MED1: variants seen among roughly 807,000 people sequenced by gnomAD.
MED1 encodes mediator of RNA polymerase II transcription subunit 1.
A neutral mutation model predicts 121.3 loss-of-function variants in MED1; 17 were observed. The observed-to-expected ratio is 0.14, with a 90% confidence interval of 0.10 to 0.21. The LOEUF is 0.21. MED1 is among the 10% of genes least tolerant of loss of function. The pLI, the probability that MED1 is intolerant of heterozygous loss-of-function variation, is 1.00. For missense variants in MED1, 1,558 were observed against 1,919.4 expected, an observed-to-expected ratio of 0.81 and a Z score of 3.52; for synonymous variants, 661 against 694.4, an observed-to-expected ratio of 0.95 and a Z score of 0.76.
intron 5 of MED1, among the ~76,000 whole-genome samples, chr17:39,439,624 T>C (rs2048652434): frequency 6.6e-6 from 1 of 152,148 alleles, no homozygotes; most frequent in African/African-American, 2.4e-5. Context: ...CAATCGTGGC[T>C]CATGTTTGTT....
chr17:39,407,741 T>G lies in MED1; in HGVS notation c.4480A>C (p.Thr1494Pro). The change falls in exon 17 of 17, where the codon ACA (threonine) becomes CCA (proline). Residue 1494 changes from threonine to proline, a missense_variant. Coordinates refer to ENST00000300651, the MANE Select transcript of MED1 (RefSeq NM_004774.4). ...DGIRPLPEYS[T>P]EKHKKHKKEK... ...TTTTTGTGCTTCTTATGTTTCTCTG[T>G]GCTGTATTCTGGAAGTGGTCGGATA... 1 of 1,614,186 alleles carries G rather than the reference T, an allele frequency of 6.2e-7. No homozygotes were observed. Among genetic ancestry groups the G allele is most frequent in the Non-Finnish European group, 8.5e-7 (1 of 1,180,028 alleles).
In MED1 at chr17:39,410,138, A is replaced by G; in HGVS notation, c.2083T>C (p.Leu695=). 1.2e-6 allele frequency: 2 copies of G among 1,614,122 alleles called. No individual in the cohort carries two copies. Among genetic ancestry groups the G allele is most frequent in the East Asian group, 2.2e-5 (1 of 44,876 alleles). The change falls in exon 17 of 17, where the codon TTA becomes CTA. Residue 695 remains leucine (L), a synonymous_variant. Transcript: ENST00000300651. ...TGGTGCTTTGGTTTCTCAGGTGGTA[A>G]TCTTGATGACTTCTTTTTCTTGGTC... ...NKTKKKKSSR[L]PPEKPKHQTE... is the part of the protein sequence containing the mutation.
Position 39,443,678 on chromosome 17 carries a change from T to C in MED1, c.133-50A>G, listed in dbSNP as rs760757561. 17 of 1,447,996 alleles carry C rather than the reference T, an allele frequency of 1.2e-5. No homozygotes were observed. The South Asian group carries it at 1.5e-4, about 13-fold the overall frequency. The allele number at this position is 1,447,996 out of a possible 1,614,324, so 89.7% of individuals were successfully genotyped here. ...AGGTGAAAATTAACCAGGCCAACAG[T>C]GTTTTAGGTAAACATACACATTATC... On this transcript the variant is annotated intron_variant, in intron 2 of 16. Coordinates refer to ENST00000300651, the MANE Select transcript of MED1 (RefSeq NM_004774.4).
At chr17:39,413,710 G>A (rs996793478) in intron 16 of MED1, among the ~76,000 whole-genome samples, 1 of 151,028 alleles carries the variant, frequency 6.6e-6, no homozygotes, top group Non-Finnish European at 1.5e-5. Context: ...CTCCAGCCTG[G>A]GTAACAGAGT....
In MED1 at chr17:39,416,069, T is replaced by C. The variant is rs540936917; in HGVS notation, c.1298-730A>G. On this transcript the variant is annotated intron_variant, in intron 14 of 16. Transcript: ENST00000300651. ...AAATTCTCTCTCCCTCCTTGGAAAC[T>C]AAATCGCACACTTTTTTCACATACA... Among the ~76,000 whole-genome samples the C allele has an allele frequency of 1.1e-3, 170 of 151,512 alleles. 1 individual carries two copies. The highest frequency in any genetic ancestry group is 4.0e-3 in the African/African-American group (166 of 41,328).
At chr17:39,411,313 G>A (rs1299211456) in intron 16 of MED1, among the ~76,000 whole-genome samples, 2 of 150,496 alleles carry the variant, frequency 1.3e-5, no homozygotes, top group South Asian at 4.2e-4. Context: ...GTGAGACTCC[G>A]TCTCAAAAAA....
chr17:39,405,935 T>C lies in MED1; in HGVS notation c.*1540A>G, dbSNP rs2048299612. 1.0e-6 allele frequency: 1 copy of C among 984,624 alleles called. No individual in the cohort carries two copies. The highest frequency in any genetic ancestry group is 6.2e-5 in the Admixed American group (1 of 16,228). The allele number at this position is 984,624 out of a possible 1,614,324, so 61.0% of individuals were successfully genotyped here. A position where few individuals can be genotyped will look rare whatever the true frequency, so the allele number is the denominator to read the frequency against. On this transcript the variant is annotated 3_prime_UTR_variant, in exon 17 of 17. Coordinates refer to ENST00000300651, the MANE Select transcript of MED1 (RefSeq NM_004774.4). Reference sequence around the variant, plus strand: ...GCTTTTTTTTTTTAACCCAGAAGAGTTGTGCTGGGGACCATGCCCCATCCC... The same window carrying C: ...GCTTTTTTTTTTTAACCCAGAAGAGCTGTGCTGGGGACCATGCCCCATCCC...
Position 39,407,098 on chromosome 17 carries a change from A to T in MED1, c.*377T>A, listed in dbSNP as rs1283874555. 1.0e-6 allele frequency: 1 copy of T among 997,972 alleles called. No individual in the cohort carries two copies. The highest frequency in any genetic ancestry group is 1.7e-5 in the African/African-American group (1 of 57,574). The allele number at this position is 997,972 out of a possible 1,614,324, so 61.8% of individuals were successfully genotyped here. A position where few individuals can be genotyped will look rare whatever the true frequency, so the allele number is the denominator to read the frequency against. ...GCCCAGCCCTTCATATACATGCACT[A>T]AAATGAGTTTAAAACATGGCCTAAA... On this transcript the variant is annotated 3_prime_UTR_variant, in exon 17 of 17. Transcript: ENST00000300651.
chr17:39,422,167 T>C (rs997296659), intron 13 of MED1, among the ~76,000 whole-genome samples: 1 of 151,588 alleles, frequency 6.6e-6, no homozygotes, highest in African/African-American at 2.4e-5. Context: ...AATTTCTTTT[T>C]CTTTTTTATT....
chr17:39,410,214 C>G lies in MED1; in HGVS notation c.2007G>C (p.Gln669His), dbSNP rs751941212. The change falls in exon 17 of 17, where the codon CAG becomes CAC. Residue 669 changes from glutamine (Q) to histidine (H), a missense_variant. This residue lies in a region of MED1 where 793 missense variants were observed against 898.2 expected (regional missense o/e 0.88). Coordinates refer to ENST00000300651, the MANE Select transcript of MED1 (RefSeq NM_004774.4). ...TGCGGGGTGAGCCGGAAGAGGAGTTCTGCCTTTCTAAAGGGCTGCTTCCAT... is the reference window on the plus strand; with the variant it reads ...TGCGGGGTGAGCCGGAAGAGGAGTTGTGCCTTTCTAAAGGGCTGCTTCCAT... Reference protein sequence around the residue: ...TLYGSSPLERQNSSSGSPRME... With the variant: ...TLYGSSPLERHNSSSGSPRME... The G allele has an allele frequency of 6.2e-7, 1 of 1,613,978 alleles. No homozygotes were observed. Among genetic ancestry groups the G allele is most frequent in the African/African-American group, 1.3e-5 (1 of 74,974 alleles).
In MED1 at chr17:39,405,820, CA is replaced by C. The variant is rs1032372727; in HGVS notation, c.*1654del. Reference sequence around the variant, plus strand: ...TGATTTTCCAACTCTATGCTGACTCCAACCTGCAGAAAAAGCTGAATATAGA... The same window carrying C: ...TGATTTTCCAACTCTATGCTGACTCCACCTGCAGAAAAAGCTGAATATAGA... On this transcript the variant is annotated 3_prime_UTR_variant, in exon 17 of 17. Transcript: ENST00000300651. 4.6e-5 allele frequency: 45 copies of C among 985,912 alleles called. No homozygotes were observed. The African/African-American group carries it at 7.0e-4, about 15-fold the overall frequency. The allele number at this position is 985,912 out of a possible 1,614,324, so 61.1% of individuals were successfully genotyped here.
chr17:39,439,139 A>G (rs754158864), intron 6 of MED1, 26 bp downstream of exon 6: 1 of 1,588,104 alleles, frequency 6.3e-7, no homozygotes, highest in Non-Finnish European at 8.5e-7. Flanking sequence ...TGTCAATATC[A>G]AGGAATATAA....
chr17:39,432,920 C>T (rs181244896), intron 7 of MED1, among the ~76,000 whole-genome samples: 420 of 152,180 alleles, frequency 2.8e-3, no homozygotes, highest in Non-Finnish European at 4.9e-3. Context: ...CAAAAATTAG[C>T]CAGGTGGCTG....
chr17:39,409,212 C>G lies in MED1; in HGVS notation c.3009G>C (p.Gly1003=). 6.2e-7 allele frequency: 1 copy of G among 1,614,138 alleles called. No homozygotes were observed. The highest frequency in any genetic ancestry group is 1.1e-5 in the South Asian group (1 of 91,080). Residue 1003 remains glycine, a synonymous_variant, in exon 17 of 17, where the codon GGG becomes GGC. Transcript: ENST00000300651. ...GCTTTGGAGGCTTATCTTTGCTTTT[C>G]CCATCATTAGAAGGGGTCCGACTGC... ...GKRSRTPSND[G]KSKDKPPKRK... is the part of the protein sequence containing the mutation.
chr17:39,408,103 T>G lies in MED1; in HGVS notation c.4118A>C (p.Asp1373Ala). ...TGACTCTGAGGTCTTCTTAGAAGAA[T>G]CCACTGAACTCCCGGAGGTGGAAAC... ...SKVSTSGSSVDSSKKTSESKN... is the reference protein window; with the variant it reads ...SKVSTSGSSVASSKKTSESKN... Residue 1373 changes from aspartate to alanine, a missense_variant, in exon 17 of 17, where the codon GAT becomes GCT. Physicochemically the swap from Asp to Ala is moderately radical, Grantham distance 126. Around this residue, in one of 5 missense-constraint regions of MED1, gnomAD observed 264 missense variants for 326.1 expected, o/e 0.81. Coordinates refer to ENST00000300651, the MANE Select transcript of MED1 (RefSeq NM_004774.4). This position sits in a 1 kb window ranked among gnomAD's most constrained non-coding sequence, Gnocchi z 4.7. 1 of 1,614,192 alleles carries G rather than the reference T, an allele frequency of 6.2e-7. No homozygotes were observed. The highest frequency in any genetic ancestry group is 8.5e-7 in the Non-Finnish European group (1 of 1,180,042).
chr17:39,426,020 A>T (rs1366877328), intron 10 of MED1, among the ~76,000 whole-genome samples: 3 of 152,106 alleles, frequency 2.0e-5, no homozygotes, highest in Non-Finnish European at 2.9e-5. Context: ...TAATCCTAGC[A>T]CTTTGGGAGG....
At position 39,409,109 on chromosome 17, in the gene MED1, C is replaced by T; in HGVS notation, c.3112G>A (p.Gly1038Ser). 6.2e-7 allele frequency: 1 copy of T among 1,614,160 alleles called. No individual in the cohort carries two copies. The highest frequency in any genetic ancestry group is 2.2e-5 in the East Asian group (1 of 44,888). ...GCACTGCCTGGCGATTTAGATCCACCTGTACTGGTAGGTGGGGTAAAAGGT... is the reference window on the plus strand; with the variant it reads ...GCACTGCCTGGCGATTTAGATCCACTTGTACTGGTAGGTGGGGTAAAAGGT... ...NRPFTPPTST[G>S]GSKSPGSAGR... The change falls in exon 17 of 17, where the codon GGT (glycine) becomes AGT (serine). Residue 1038 changes from glycine (G) to serine (S), a missense_variant. Gly to Ser is a moderately conservative substitution (Grantham distance 56, BLOSUM62 0). Coordinates refer to ENST00000300651, the MANE Select transcript of MED1 (RefSeq NM_004774.4).
At chr17:39,438,187 T>C (rs1214932331) in intron 6 of MED1, among the ~76,000 whole-genome samples, 4 of 151,372 alleles carry the variant, frequency 2.6e-5, no homozygotes, top group African/African-American at 9.7e-5. Flanking sequence ...TTTTTTTTTT[T>C]CTGAGATGGA....
In MED1 at chr17:39,440,457, C is replaced by T. The variant is rs771660753; in HGVS notation, c.328G>A (p.Val110Met). ...CCTGCAGGATCTAACTGCACTTCCA[C>T]ATAGAACATATCTGACGTGATGTAA... ...ECYITSDMFYVEVQLDPAGQL... is the reference protein window; with the variant it reads ...ECYITSDMFYMEVQLDPAGQL... The change falls in exon 5 of 17, where the codon GTG becomes ATG. Residue 110 changes from valine (V) to methionine (M), a missense_variant. Coordinates refer to ENST00000300651, the MANE Select transcript of MED1 (RefSeq NM_004774.4). This position sits in a 1 kb window ranked among gnomAD's most constrained non-coding sequence, Gnocchi z 4.1. 1.0e-5 allele frequency: 16 copies of T among 1,599,622 alleles called. No individual in the cohort carries two copies. Among genetic ancestry groups the T allele is most frequent in the Non-Finnish European group, 1.2e-5 (14 of 1,176,840 alleles).
Sources: gnomAD v4.1 joint callset for allele counts (sites outside exome capture counted in the v4.1 genomes callset) on GRCh38, gnomAD v4.1.1 for gene constraint, gnomAD v4.1.1 regional missense constraint, Gnocchi (gnomAD v3.1) non-coding constraint, MANE v1.5 for transcripts, NCBI Gene and HGNC (gene_info 2026-07-23, HGNC 2026-07-21) for gene names.